The following TENM4 variants were observed in gnomAD, a reference collection of about 807,000 sequenced individuals.
The protein encoded by TENM4 is teneurin-4.
TENM4 carries 82 observed loss-of-function variants against 243.3 expected under a neutral mutation model. That is an observed-to-expected ratio of 0.34 (90% CI 0.28 to 0.40). The LOEUF is 0.40. Among genes scored for constraint, TENM4 ranks in the 10% least tolerant of loss-of-function variants. The pLI is 1.00. For missense variants in TENM4, 3,138 were observed against 3,673.3 expected, an observed-to-expected ratio of 0.85 and a Z score of 3.77; for synonymous variants, 1,412 against 1,456.3, an observed-to-expected ratio of 0.97 and a Z score of 0.69.
chr11:78,733,012 C>A (rs1855703441), intron 20 of TENM4, among the ~76,000 whole-genome samples: 1 of 152,184 alleles, frequency 6.6e-6, no homozygotes, highest in South Asian at 2.1e-4. Flanking sequence ...TTGGGTAAGT[C>A]ACTTAGCCTC....
chr11:79,288,500 G>A (rs768813999), intron 2 of TENM4, among the ~76,000 whole-genome samples: 4 of 152,172 alleles, frequency 2.6e-5, no homozygotes, highest in Non-Finnish European at 5.9e-5. Context: ...AGGGAACTCT[G>A]GCAAAGCTCA....
intron 6 of TENM4, among the ~76,000 whole-genome samples, chr11:78,964,080 G>C (rs957582703): frequency 1.7e-5 from 2 of 117,552 alleles, no homozygotes; most frequent in African/African-American, 6.9e-5. Flanking sequence ...GTCTTGCTCT[G>C]TCGCCAGGCT....
intron 27 of TENM4, 131 bp downstream of exon 27, chr11:78,708,230 A>G: frequency 8.1e-7 from 1 of 1,237,710 alleles, no homozygotes; most frequent in Non-Finnish European, 1.1e-6. Context: ...GGTGCTCATC[A>G]CAGCCTGGCA....
At chr11:78,904,550 C>T (rs1856021537) in intron 6 of TENM4, among the ~76,000 whole-genome samples, 2 of 151,920 alleles carry the variant, frequency 1.3e-5, no homozygotes, top group South Asian at 4.2e-4. Flanking sequence ...GGTTAAAAAC[C>T]ACTCAACATT....
At chr11:78,675,529 T>C (rs1590931690) in intron 30 of TENM4, among the ~76,000 whole-genome samples, 2 of 152,170 alleles carry the variant, frequency 1.3e-5, no homozygotes, top group East Asian at 3.9e-4. Flanking sequence ...GGCTGTACTC[T>C]ACAGAAACAC....
chr11:79,391,334 A>T (rs562310), intron 1 of TENM4, among the ~76,000 whole-genome samples: 64,134 of 151,588 alleles, frequency 0.42, 13,530 homozygotes, highest in Non-Finnish European at 0.46. Context: ...CTGCAGATGC[A>T]TTTACTCACC....
intron 2 of TENM4, among the ~76,000 whole-genome samples, chr11:79,254,541 T>C (rs1855668566): frequency 6.6e-6 from 1 of 152,230 alleles, no homozygotes; most frequent in African/African-American, 2.4e-5. Context: ...CGTTCTTTTC[T>C]GACTTTCTGG....
At position 79,375,141 on chromosome 11, in the gene TENM4, T is replaced by C. The variant is rs572721036; in HGVS notation, c.-321+65368A>G. On this transcript the variant is annotated intron_variant, in intron 1 of 33. Transcript: ENST00000278550. ...ACAGTTAATGAACAAGTTGATTGGT[T>C]AAATCATTCTAGTGGGGGCCTCCAA... is the stretch of plus-strand genomic sequence containing the variant. Among the ~76,000 whole-genome samples, 3 of 152,324 alleles carry C rather than the reference T, an allele frequency of 2.0e-5. No individual in the cohort carries two copies. In the East Asian group the frequency reaches 5.8e-4, roughly 29 times the overall value.
intron 4 of TENM4, among the ~76,000 whole-genome samples, chr11:79,148,287 G>C (rs2135050208): frequency 6.6e-6 from 1 of 152,236 alleles, no homozygotes; most frequent in East Asian, 1.9e-4. Context: ...AGAAGAAAGA[G>C]ACTTGGCAAG....
chr11:79,428,413 G>A (rs1341883014), intron 1 of TENM4, among the ~76,000 whole-genome samples: 1 of 152,164 alleles, frequency 6.6e-6, no homozygotes, highest in Non-Finnish European at 1.5e-5. Flanking sequence ...CTAAGTCTCT[G>A]TCACTAACCC....
chr11:79,197,825 AT>A (rs1167598946), intron 3 of TENM4, among the ~76,000 whole-genome samples: 5 of 151,410 alleles, frequency 3.3e-5, no homozygotes, highest in East Asian at 1.9e-4. Context: ...CCAATCAAGA[AT>A]TTTTTTTTCA....
Position 78,862,992 on chromosome 11 carries a change from G to T in TENM4, c.1225C>A (p.Pro409Thr). The change falls in exon 10 of 34, where the codon CCT becomes ACT. Residue 409 changes from proline to threonine, a missense_variant. Pro to Thr is a conservative substitution (Grantham distance 38, BLOSUM62 -1). Coordinates refer to ENST00000278550, the MANE Select transcript of TENM4 (RefSeq NM_001098816.3). ...YPSGGTGLETPDRKGKGTTEG... is the reference protein window; with the variant it reads ...YPSGGTGLETTDRKGKGTTEG... ...GTGGTTCCTTTGCCTTTCCTGTCAG[G>T]GGTCTCTAAGCCAGTGCCCCCTGAG... 6.7e-7 allele frequency: 1 copy of T among 1,490,174 alleles called. No homozygotes were observed. The allele number at this position is 1,490,174 out of a possible 1,614,324, so 92.3% of individuals were successfully genotyped here.
At chr11:79,429,381 A>C (rs1435092041) in intron 1 of TENM4, among the ~76,000 whole-genome samples, 2 of 152,128 alleles carry the variant, frequency 1.3e-5, no homozygotes, top group Admixed American at 1.3e-4. Flanking sequence ...CTGTGCTGAC[A>C]GGGTCCAGAA....
At chr11:79,020,890 A>T (rs7116885) in intron 6 of TENM4, among the ~76,000 whole-genome samples, 58,268 of 152,058 alleles carry the variant, frequency 0.38, 13,419 homozygotes, top group African/African-American at 0.64. Context: ...TAGGGAAAGA[A>T]AAACAACTGT....
chr11:78,955,339 T>A (rs1388613944), intron 6 of TENM4, among the ~76,000 whole-genome samples: 1 of 152,160 alleles, frequency 6.6e-6, no homozygotes, highest in Non-Finnish European at 1.5e-5. Context: ...TCTCCCACAC[T>A]CTCCTTGGCC....
intron 15 of TENM4, among the ~76,000 whole-genome samples, chr11:78,792,597 G>A (rs1395824992): frequency 1.3e-5 from 2 of 152,178 alleles, no homozygotes; most frequent in Non-Finnish European, 2.9e-5. Flanking sequence ...CTGATGGGAA[G>A]ATCAATGTGG....
At chr11:79,189,381 T>C (rs1393608576) in intron 3 of TENM4, among the ~76,000 whole-genome samples, 1 of 152,218 alleles carries the variant, frequency 6.6e-6, no homozygotes, top group South Asian at 2.1e-4. Flanking sequence ...CAAGCATTTA[T>C]CATAATTATA....
chr11:78,727,810 G>T (rs539110493), intron 22 of TENM4, among the ~76,000 whole-genome samples: 3 of 152,204 alleles, frequency 2.0e-5, no homozygotes, highest in South Asian at 2.1e-4. Context: ...TCTTCCAAGC[G>T]TCTTTCTGGG....
chr11:79,399,448 G>A (rs183791921), intron 1 of TENM4, among the ~76,000 whole-genome samples: 1 of 152,304 alleles, frequency 6.6e-6, no homozygotes, highest in Non-Finnish European at 1.5e-5. Context: ...TGGGGAGTGG[G>A]AGAGCAATAA....
Sources: gnomAD v4.1 joint callset for allele counts (sites outside exome capture counted in the v4.1 genomes callset) on GRCh38, gnomAD v4.1.1 for gene constraint, MANE v1.5 for transcripts, NCBI Gene and HGNC (gene_info 2026-07-23, HGNC 2026-07-21) for gene names.